The following ANKS1B variants were observed in gnomAD, a reference collection of about 807,000 sequenced individuals.
The protein encoded by ANKS1B is ankyrin repeat and sterile alpha motif domain-containing protein 1B.
In ANKS1B, 36 loss-of-function variants were observed where a neutral mutation model predicts 148.3. The ratio of observed to expected loss-of-function variants is 0.24; its 90% CI spans 0.19 to 0.32. The LOEUF is 0.32. Ranked by LOEUF, ANKS1B falls within the 10% of genes least tolerant of loss-of-function variation. ANKS1B has a pLI of 1.00. For synonymous variants in ANKS1B, 542 were observed against 560.8 expected, an observed-to-expected ratio of 0.97 and a Z score of 0.47; for missense variants, 1,157 against 1,542.6, an observed-to-expected ratio of 0.75 and a Z score of 4.19.
At chr12:98,969,306 C>T (rs1165316049) in intron 17 of ANKS1B, among the ~76,000 whole-genome samples, 4 of 152,148 alleles carry the variant, frequency 2.6e-5, no homozygotes, top group African/African-American at 4.8e-5. Context: ...GGTGCCATAG[C>T]CAAACAGGAT....
chr12:99,360,365 C>G (rs560936888), intron 12 of ANKS1B, among the ~76,000 whole-genome samples: 3 of 152,074 alleles, frequency 2.0e-5, no homozygotes, highest in Non-Finnish European at 4.4e-5. Context: ...TAAAAAGAAC[C>G]AGTAATTCCA....
chr12:99,749,274 T>C (rs945278671), intron 8 of ANKS1B, among the ~76,000 whole-genome samples: 5 of 152,078 alleles, frequency 3.3e-5, no homozygotes, highest in African/African-American at 1.2e-4. Flanking sequence ...GAAATCTTGC[T>C]TGAATTTGGG....
chr12:99,160,678 A>C (rs1272968041), intron 14 of ANKS1B, among the ~76,000 whole-genome samples: 1 of 152,076 alleles, frequency 6.6e-6, no homozygotes, highest in Non-Finnish European at 1.5e-5. Flanking sequence ...TTGAGGTCTT[A>C]CTTTAAATCT....
At chr12:99,949,622 T>TCAA (rs920876317) in intron 1 of ANKS1B, among the ~76,000 whole-genome samples, 42 of 152,138 alleles carry the variant, frequency 2.8e-4, no homozygotes, top group African/African-American at 8.4e-4. Context: ...TACATTACAG[T>TCAA]CAACAACAAC....
chr12:99,390,638 A>G (rs1325289048), intron 12 of ANKS1B, among the ~76,000 whole-genome samples: 1 of 152,226 alleles, frequency 6.6e-6, no homozygotes, highest in Non-Finnish European at 1.5e-5. Flanking sequence ...TGGGTTCCCA[A>G]TCCCATCTAG....
intron 4 of ANKS1B, among the ~76,000 whole-genome samples, chr12:99,798,752 A>G (rs2066575158): frequency 6.6e-6 from 1 of 152,128 alleles, no homozygotes; most frequent in Non-Finnish European, 1.5e-5. Context: ...GCTATTCAAA[A>G]GAAGAAATCT....
rs555191352 is a variant in ANKS1B at position 99,962,927 on chromosome 12, C to T, written c.134+21177G>A. ...CTCCCGGGCTCACGCCATTCTCCTG[C>T]CTCAGCCTCCGGAGTAGCTGGGACT... On this transcript the variant is annotated intron_variant, in intron 1 of 26. Coordinates refer to ENST00000683438, the MANE Select transcript of ANKS1B (RefSeq NM_001352186.2). 7.9e-5 allele frequency among the ~76,000 whole-genome samples: 12 copies of T among 151,974 alleles called. No individual in the cohort carries two copies. In the South Asian group the frequency reaches 2.3e-3, roughly 29 times the overall value.
chr12:99,960,982 T>C lies in ANKS1B; in HGVS notation c.134+23122A>G, dbSNP rs144561849. ...ATGGCTCACACCTGTAATCCCAGCA[T>C]TTTGAGAGGCCGAGGCGGACGGATC... On this transcript the variant is annotated intron_variant, in intron 1 of 26. Transcript: ENST00000683438. 6.8e-3 allele frequency among the ~76,000 whole-genome samples: 1,041 copies of C among 152,192 alleles called. 17 individuals carry two copies. The highest frequency in any genetic ancestry group is 0.024 in the African/African-American group (985 of 41,524).
At chr12:99,441,883 C>T (rs1157852540) in intron 11 of ANKS1B, among the ~76,000 whole-genome samples, 1 of 151,820 alleles carries the variant, frequency 6.6e-6, no homozygotes, top group Non-Finnish European at 1.5e-5. Context: ...GAAATAATGC[C>T]TCAGTTATTC....
At chr12:99,247,282 A>G (rs1052953158) in intron 12 of ANKS1B, among the ~76,000 whole-genome samples, 1 of 152,204 alleles carries the variant, frequency 6.6e-6, no homozygotes, top group Non-Finnish European at 1.5e-5. Context: ...AGTCAAGGTC[A>G]TATATAATGA....
intron 8 of ANKS1B, among the ~76,000 whole-genome samples, chr12:99,692,742 G>A (rs2053304784): frequency 6.6e-6 from 1 of 151,908 alleles, no homozygotes; most frequent in Admixed American, 6.6e-5. Context: ...GACGAACTAA[G>A]CTGATGGTGG....
intron 11 of ANKS1B, 53 bp from the exon 12 acceptor site, chr12:99,399,864 C>G: frequency 6.5e-7 from 1 of 1,544,048 alleles, no homozygotes; most frequent in Non-Finnish European, 8.9e-7. Flanking sequence ...TCATCTTCAG[C>G]CCAATCTCCC....
chr12:99,831,314 G>C (rs1352570848), intron 1 of ANKS1B, among the ~76,000 whole-genome samples: 1 of 151,462 alleles, frequency 6.6e-6, no homozygotes, highest in Non-Finnish European at 1.5e-5. Context: ...GTAATGGTTA[G>C]CATGCAGAGC....
intron 17 of ANKS1B, among the ~76,000 whole-genome samples, chr12:98,922,861 C>T (rs970812246): frequency 4.6e-5 from 7 of 152,058 alleles, no homozygotes; most frequent in Admixed American, 2.6e-4. Flanking sequence ...TGGACCTTTG[C>T]GTAAAAATAA....
intron 17 of ANKS1B, among the ~76,000 whole-genome samples, chr12:98,881,398 T>G (rs896270599): frequency 3.9e-5 from 6 of 152,150 alleles, no homozygotes; most frequent in African/African-American, 1.4e-4. Context: ...AGTGCAATTT[T>G]CCATATTAAA....
chr12:99,302,896 A>G (rs996261748), intron 12 of ANKS1B, among the ~76,000 whole-genome samples: 2 of 152,194 alleles, frequency 1.3e-5, no homozygotes, highest in Middle Eastern at 3.2e-3. Flanking sequence ...TAAAAAGCTG[A>G]CTATAAAACT....
intron 14 of ANKS1B, among the ~76,000 whole-genome samples, chr12:99,212,948 G>A (rs569977354): frequency 6.6e-6 from 1 of 152,328 alleles, no homozygotes; most frequent in East Asian, 1.9e-4. Flanking sequence ...GTTCAAAGAT[G>A]AAGGTCCTTT....
At chr12:98,976,429 C>T (rs2099896130) in intron 17 of ANKS1B, 1 of 152,214 alleles carries the variant, frequency 6.6e-6, no homozygotes. Flanking sequence ...ACTAATCCTT[C>T]TAGTGAAAGA....
chr12:99,203,919 G>A (rs1051415913), intron 14 of ANKS1B, among the ~76,000 whole-genome samples: 5 of 152,192 alleles, frequency 3.3e-5, no homozygotes, highest in African/African-American at 1.2e-4. Context: ...TTGTCATTCT[G>A]TAAGTGCCCA....
Sources: allele counts gnomAD v4.1 joint callset (sites outside exome capture counted in the v4.1 genomes callset), GRCh38; gene constraint gnomAD v4.1.1; transcripts MANE v1.5; gene names NCBI Gene and HGNC (gene_info 2026-07-23, HGNC 2026-07-21).